The following RP1 variants were observed in gnomAD, a reference collection of about 807,000 sequenced individuals.
RP1 encodes the protein oxygen-regulated protein 1.
In RP1, 16 loss-of-function variants were observed where a neutral mutation model predicts 14.8. The ratio of observed to expected loss-of-function variants is 1.08; its 90% CI spans 0.73 to 1.65. The LOEUF is 1.65. RP1 is among the 40% of genes most tolerant of loss of function. The pLI, the probability that RP1 is intolerant of heterozygous loss-of-function variation, is 0.00. For missense variants in RP1, 2,631 were observed against 2,535.0 expected (o/e 1.04, Z -0.81); for synonymous variants, 876 against 883.6 (o/e 0.99, Z 0.15).
chr8:54,654,432 A>C (rs553681650), intron 5 of RP1, among the ~76,000 whole-genome samples: 2 of 152,316 alleles, frequency 1.3e-5, no homozygotes, highest in East Asian at 3.9e-4. Context: ...TCTGCTTCTC[A>C]AATGATCAGC....
chr8:54,645,839 A>C (rs1168225540), intron 3 of RP1, among the ~76,000 whole-genome samples: 1 of 152,030 alleles, frequency 6.6e-6, no homozygotes, highest in African/African-American at 2.4e-5. Flanking sequence ...GTATAAATTT[A>C]TTGTTTTTTT....
At chr8:54,707,972 T>A (rs1808190312) in intron 15 of RP1, among the ~76,000 whole-genome samples, 1 of 152,212 alleles carries the variant, frequency 6.6e-6, no homozygotes, top group African/African-American at 2.4e-5. Context: ...TGAGTAACAT[T>A]ATTACTATGA....
At chr8:54,600,356 C>T (rs957378622) in intron 1 of RP1, among the ~76,000 whole-genome samples, 4 of 152,216 alleles carry the variant, frequency 2.6e-5, no homozygotes, top group Admixed American at 6.5e-5. Context: ...TATAAATTAC[C>T]GAGTCTTGGG....
Position 54,628,013 on chromosome 8 carries a change from C to A in RP1, c.4131C>A (p.Asp1377Glu). The change falls in exon 4 of 4, where the codon GAC becomes GAA. Residue 1377 changes from aspartate to glutamate, a missense_variant. Transcript: ENST00000220676. ...DIQKDLNILT[D>E]PEYKNGFNTL... is the part of the protein sequence containing the mutation. Reference sequence around the variant, plus strand: ...AGAAAGATCTAAATATTTTGACAGACCCTGAATATAAAAATGGATTTAATA... The same window carrying A: ...AGAAAGATCTAAATATTTTGACAGAACCTGAATATAAAAATGGATTTAATA... 2 of 1,613,930 alleles carry A rather than the reference C, an allele frequency of 1.2e-6. No homozygotes were observed.
At chr8:54,711,017 G>A (rs1404290505) in intron 15 of RP1, among the ~76,000 whole-genome samples, 2 of 152,126 alleles carry the variant, frequency 1.3e-5, no homozygotes, top group Non-Finnish European at 2.9e-5. Context: ...TCTGCCTAGC[G>A]TTTCTCTGAC....
chr8:54,723,115 T>C (rs1160336684), intron 16 of RP1, among the ~76,000 whole-genome samples: 1 of 152,188 alleles, frequency 6.6e-6, no homozygotes, highest in African/African-American at 2.4e-5. Context: ...TCACAGCTCT[T>C]GGACCACCTG....
intron 27 of RP1, among the ~76,000 whole-genome samples, chr8:54,861,688 C>T (rs559993594): frequency 6.6e-6 from 1 of 152,170 alleles, no homozygotes; most frequent in East Asian, 1.9e-4. Flanking sequence ...CTGCAACCTC[C>T]ATCTCCTGGG....
chr8:54,782,738 A>T (rs1441620241), intron 23 of RP1, among the ~76,000 whole-genome samples: 1 of 152,124 alleles, frequency 6.6e-6, no homozygotes, highest in African/African-American at 2.4e-5. Context: ...TGCACAAAAT[A>T]ATAAAATGAA....
chr8:54,804,897 T>G (rs1810810024), intron 24 of RP1, among the ~76,000 whole-genome samples: 1 of 152,242 alleles, frequency 6.6e-6, no homozygotes. Context: ...TTTGTTTGTA[T>G]GCATTATACC....
At chr8:54,624,617 C>A in intron 3 of RP1, 53 bp from the exon 4 acceptor site, 3 of 1,569,882 alleles carry the variant, frequency 1.9e-6, no homozygotes, top group Admixed American at 1.7e-5. Context: ...AACTTCTCTG[C>A]CTTCCATATT....
At chr8:54,807,596 C>G (rs1490532030) in intron 24 of RP1, among the ~76,000 whole-genome samples, 1 of 152,094 alleles carries the variant, frequency 6.6e-6, no homozygotes, top group Non-Finnish European at 1.5e-5. Context: ...GCAGAACCAC[C>G]AGAATGTGTG....
chr8:54,842,308 T>G (rs939526205), intron 25 of RP1, among the ~76,000 whole-genome samples: 19 of 152,232 alleles, frequency 1.2e-4, no homozygotes, highest in Admixed American at 9.8e-4. Context: ...TGTTACTCTC[T>G]TTGTGAAATG....
intron 1 of RP1, among the ~76,000 whole-genome samples, chr8:54,617,784 C>T (rs991925440): frequency 1.3e-5 from 2 of 152,226 alleles, no homozygotes; most frequent in South Asian, 4.1e-4. Context: ...TTCCCATGGA[C>T]TCTGTAGGAA....
intron 12 of RP1, among the ~76,000 whole-genome samples, chr8:54,687,010 A>AT (rs1363436214): frequency 2.6e-5 from 4 of 151,954 alleles, no homozygotes; most frequent in Non-Finnish European, 5.9e-5. Flanking sequence ...TTGAGTGTGG[A>AT]TTTTTTGCTT....
At chr8:54,721,589 C>T (rs1389427185) in intron 16 of RP1, among the ~76,000 whole-genome samples, 1 of 152,188 alleles carries the variant, frequency 6.6e-6, no homozygotes, top group African/African-American at 2.4e-5. Context: ...TAAAAGGCCA[C>T]ATTTGTCAAC....
chr8:54,755,893 A>AT (rs1809495194), intron 21 of RP1: 1 of 957,210 alleles, frequency 1.0e-6, no homozygotes, highest in African/African-American at 1.7e-5. Context: ...TCTTTAACAC[A>AT]TTTTCCTGAC....
intron 12 of RP1, among the ~76,000 whole-genome samples, chr8:54,688,634 G>A (rs1156464425): frequency 6.6e-6 from 1 of 152,076 alleles, no homozygotes; most frequent in Non-Finnish European, 1.5e-5. Flanking sequence ...GATGTGTGGT[G>A]TTATTTCTGA....
chr8:54,674,398 T>C (rs1807247628), intron 8 of RP1, among the ~76,000 whole-genome samples: 1 of 151,884 alleles, frequency 6.6e-6, no homozygotes, highest in South Asian at 2.1e-4. Context: ...TCTCATCAAC[T>C]CTGTGAGATG....
intron 23 of RP1, among the ~76,000 whole-genome samples, chr8:54,775,266 T>C (rs545259720): frequency 6.6e-6 from 1 of 152,316 alleles, no homozygotes; most frequent in South Asian, 2.1e-4. Context: ...GCATTTCCTG[T>C]GCTCTTCTGA....
Sources: gnomAD v4.1 joint callset for allele counts (sites outside exome capture counted in the v4.1 genomes callset) on GRCh38, gnomAD v4.1.1 for gene constraint, MANE v1.5 for transcripts, NCBI Gene and HGNC (gene_info 2026-07-23, HGNC 2026-07-21) for gene names.